Variants in MAGI2 observed in about 807,000 individuals in gnomAD.
MAGI2 encodes the protein membrane associated guanylate kinase, WW and PDZ domain containing 2.
MAGI2 carries 35 observed loss-of-function variants against 133.3 expected under a neutral mutation model. The observed-to-expected ratio is 0.26, with a 90% CI of 0.20 to 0.35. MAGI2 has a LOEUF of 0.35. Ranked by LOEUF, MAGI2 falls within the 10% of genes least tolerant of loss-of-function variation. The pLI is 1.00. For missense variants in MAGI2, 1,636 were observed against 1,863.4 expected, an observed-to-expected ratio of 0.88 and a Z score of 2.25; for synonymous variants, 729 against 710.6, an observed-to-expected ratio of 1.03 and a Z score of -0.41.
chr7:78,165,561 C>G lies in MAGI2; in HGVS notation c.2596+2355G>C, dbSNP rs1419848862. ...AGGAGAAGGCGGAAGCGTGTCATCC[C>G]TATGACCTTGCTTCTTCCTAGCCCT... On this transcript the variant is annotated intron_variant, in intron 15 of 21. Transcript: ENST00000354212. Among the ~76,000 whole-genome samples the G allele has an allele frequency of 3.3e-5, 5 of 152,130 alleles. No individual in the cohort carries two copies. In the East Asian group the frequency reaches 9.7e-4, roughly 29 times the overall value.
intron 1 of MAGI2, among the ~76,000 whole-genome samples, chr7:79,045,490 G>T (rs1391699675): frequency 4.6e-5 from 7 of 152,188 alleles, no homozygotes; most frequent in African/African-American, 1.7e-4. Flanking sequence ...AGTGTATGCT[G>T]TTAAGATCTA....
At chr7:79,149,124 T>C (rs1312627968) in intron 1 of MAGI2, among the ~76,000 whole-genome samples, 1 of 144,344 alleles carries the variant, frequency 6.9e-6, no homozygotes, top group Non-Finnish European at 1.5e-5. Flanking sequence ...TTATATATAA[T>C]ATAATATATA....
At chr7:78,320,973 C>G (rs542722195) in intron 9 of MAGI2, among the ~76,000 whole-genome samples, 1 of 152,050 alleles carries the variant, frequency 6.6e-6, no homozygotes, top group Non-Finnish European at 1.5e-5. Context: ...TTCCTATACA[C>G]CAATAACAAA....
At chr7:78,654,672 T>C (rs2151022045) in intron 2 of MAGI2, among the ~76,000 whole-genome samples, 1 of 146,094 alleles carries the variant, frequency 6.8e-6, no homozygotes, top group Non-Finnish European at 1.5e-5. Context: ...TACTACTCTT[T>C]GTAATTATTT....
intron 1 of MAGI2, among the ~76,000 whole-genome samples, chr7:79,248,629 G>A (rs957201860): frequency 5.9e-5 from 9 of 151,944 alleles, no homozygotes; most frequent in Admixed American, 2.6e-4. Context: ...CACAAAACAA[G>A]ACTTAAAAAA....
intron 6 of MAGI2, among the ~76,000 whole-genome samples, chr7:78,435,547 A>G (rs975420200): frequency 6.6e-6 from 1 of 152,118 alleles, no homozygotes; most frequent in Non-Finnish European, 1.5e-5. Flanking sequence ...AGCCAAGAAA[A>G]CAAAACACAC....
intron 2 of MAGI2, among the ~76,000 whole-genome samples, chr7:78,684,053 T>TA (rs1388321891): frequency 6.6e-6 from 1 of 152,184 alleles, no homozygotes; most frequent in Non-Finnish European, 1.5e-5. Context: ...GTTGTTTTCA[T>TA]AGCCTTCATG....
intron 1 of MAGI2, among the ~76,000 whole-genome samples, chr7:79,323,430 T>C (rs562066379): frequency 6.6e-6 from 1 of 152,236 alleles, no homozygotes; most frequent in East Asian, 1.9e-4. Context: ...TGGAGCAGTT[T>C]AATGTGAGAG....
At chr7:78,042,773 T>C (rs1234838449) in intron 21 of MAGI2, among the ~76,000 whole-genome samples, 2 of 152,254 alleles carry the variant, frequency 1.3e-5, no homozygotes, top group Admixed American at 6.5e-5. Context: ...GGCCTCGGAC[T>C]GGACTGAATC....
intron 2 of MAGI2, among the ~76,000 whole-genome samples, chr7:78,990,863 A>G (rs1380564392): frequency 6.6e-6 from 1 of 150,784 alleles, no homozygotes; most frequent in African/African-American, 2.4e-5. Flanking sequence ...GGTGTTATGT[A>G]TGTCCTATTA....
At chr7:78,393,642 C>A (rs1796094248) in intron 6 of MAGI2, among the ~76,000 whole-genome samples, 1 of 152,102 alleles carries the variant, frequency 6.6e-6, no homozygotes, top group South Asian at 2.1e-4. Context: ...GCAGGCATAC[C>A]ATCTGGGGAT....
Position 78,422,157 on chromosome 7 carries a change from G to A in MAGI2, c.1046-52944C>T, listed in dbSNP as rs368953749. Among the ~76,000 whole-genome samples the A allele has an allele frequency of 1.8e-4, 27 of 152,256 alleles. No individual in the cohort carries two copies. In the East Asian group the frequency reaches 2.9e-3, roughly 16 times the overall value. The stretch of plus-strand genomic sequence containing the variant: ...TAGGGAGAATGCCTTAAACAAATCA[G>A]GAGCAGCTGCAGGGCACAGGGCTTT... On this transcript the variant is annotated intron_variant, in intron 6 of 21. Transcript: ENST00000354212.
At chr7:79,434,996 C>T (rs1425135042) in intron 1 of MAGI2, among the ~76,000 whole-genome samples, 1 of 152,184 alleles carries the variant, frequency 6.6e-6, no homozygotes, top group Admixed American at 6.5e-5. Context: ...TGCATTCAGA[C>T]TTGAATTGAA....
rs568953765 is a variant in MAGI2, at chr7:78,851,120, C to T, written c.418+155970G>A. ...ATAGCTTTAAAATATATTATTTTTT[C>T]GTAGAGAAGATAAGAAAATAATTGA... is the stretch of plus-strand genomic sequence containing the variant. On this transcript the variant is annotated intron_variant, in intron 2 of 21. Transcript: ENST00000354212. 3.3e-5 allele frequency among the ~76,000 whole-genome samples: 5 copies of T among 151,608 alleles called. No homozygotes were observed. In the East Asian group the frequency reaches 5.8e-4, roughly 18 times the overall value.
intron 2 of MAGI2, among the ~76,000 whole-genome samples, chr7:78,977,153 A>G (rs1223753110): frequency 1.3e-5 from 2 of 151,768 alleles, no homozygotes; most frequent in African/African-American, 2.4e-5. Context: ...GAAGAAGGAC[A>G]AAGTTGAAAG....
chr7:78,527,029 A>AAG (rs1554457519), intron 3 of MAGI2, among the ~76,000 whole-genome samples: 570 of 124,202 alleles, frequency 4.6e-3, no homozygotes, highest in African/African-American at 0.014. Flanking sequence ...AAAAAAAAAA[A>AAG]AAAAAGAAAA....
At chr7:79,424,238 G>A (rs529467614) in intron 1 of MAGI2, among the ~76,000 whole-genome samples, 4 of 150,098 alleles carry the variant, frequency 2.7e-5, no homozygotes, top group Non-Finnish European at 4.4e-5. Context: ...CCATGTTGTT[G>A]CAAATGGCAG....
chr7:79,109,662 T>C (rs926518704), intron 1 of MAGI2, among the ~76,000 whole-genome samples: 3 of 152,076 alleles, frequency 2.0e-5, no homozygotes, highest in African/African-American at 7.2e-5. Context: ...TTTTTTGAAA[T>C]AGGAATACAA....
At chr7:79,385,045 A>G (rs892355377) in intron 1 of MAGI2, among the ~76,000 whole-genome samples, 1 of 151,832 alleles carries the variant, frequency 6.6e-6, no homozygotes, top group Admixed American at 6.6e-5. Flanking sequence ...GGTTTCAACC[A>G]AACCAACAGC....
Sources: gnomAD v4.1 joint callset for allele counts (sites outside exome capture counted in the v4.1 genomes callset) on GRCh38, gnomAD v4.1.1 for gene constraint, MANE v1.5 for transcripts, NCBI Gene and HGNC (gene_info 2026-07-23, HGNC 2026-07-21) for gene names.